The following ADGRL1 variants were observed in gnomAD, a reference collection of about 807,000 sequenced individuals.
ADGRL1 encodes the protein CIRL-1.
ADGRL1 carries 31 observed loss-of-function variants against 148.9 expected under a neutral mutation model. The observed-to-expected ratio is 0.21, with a 90% CI of 0.16 to 0.28. The LOEUF (loss-of-function observed/expected upper bound fraction) is 0.28, where lower values mean the gene tolerates loss of function less well. ADGRL1 is among the 10% of genes least tolerant of loss of function. The pLI, the probability that ADGRL1 is intolerant of heterozygous loss-of-function variation, is 1.00. For missense variants in ADGRL1, 1,521 were observed against 2,058.8 expected, an observed-to-expected ratio of 0.74 and a Z score of 5.05; for synonymous variants, 937 against 900.3, an observed-to-expected ratio of 1.04 and a Z score of -0.73.
chr19:14,160,040 G>T lies in ADGRL1; in HGVS notation c.1800+72C>A. 1.4e-6 allele frequency: 2 copies of T among 1,454,992 alleles called. No homozygotes were observed. Among genetic ancestry groups the T allele is most frequent in the Non-Finnish European group, 1.9e-6 (2 of 1,080,892 alleles). 90.1% of individuals were successfully genotyped at this position (1,454,992 alleles called of 1,614,324 possible). Reference sequence around the variant, plus strand: ...TGGCAGCCTGGCTGGGAGGTACCAGGTCAGGTACTTCCCAAGCCCCTGGGG... The same window carrying T: ...TGGCAGCCTGGCTGGGAGGTACCAGTTCAGGTACTTCCCAAGCCCCTGGGG... On this transcript the variant is annotated intron_variant, in intron 8 of 22. Coordinates refer to ENST00000361434, the MANE Select transcript of ADGRL1 (RefSeq NM_014921.5). This position sits in a 1 kb window ranked among gnomAD's most constrained non-coding sequence, Gnocchi z 5.9.
chr19:14,198,777 A>C, intron 1 of ADGRL1, among the ~76,000 whole-genome samples: 1 of 151,068 alleles, frequency 6.6e-6, no homozygotes, highest in African/African-American at 2.4e-5. Context: ...CTTCCCCTCC[A>C]CCATACCCCT....
Position 14,156,989 on chromosome 19 carries a change from A to G in ADGRL1, c.2902T>C (p.Phe968Leu). The G allele has an allele frequency of 6.2e-7, 1 of 1,613,896 alleles. No individual in the cohort carries two copies. The highest frequency in any genetic ancestry group is 8.5e-7 in the Non-Finnish European group (1 of 1,179,970). Residue 968 changes from phenylalanine (F) to leucine (L), a missense_variant, in exon 15 of 23, where the codon TTC (phenylalanine) becomes CTC (leucine). Phe to Leu is a conservative substitution (Grantham distance 22, BLOSUM62 0). Around this residue, in one of 8 missense-constraint regions of ADGRL1, gnomAD observed 185 missense variants for 251.7 expected, o/e 0.74. Transcript: ENST00000361434. Reference protein sequence around the residue: ...TKYYYLGGYCFPALVVGIAAA... With the variant: ...TKYYYLGGYCLPALVVGIAAA... ...GCGATGCCCACCACCAGGGCCGGGA[A>G]GCAGTAGCCACCCAGGTAGTAGTAC...
chr19:14,195,291 C>T (rs916913160), intron 1 of ADGRL1, among the ~76,000 whole-genome samples: 1 of 152,154 alleles, frequency 6.6e-6, no homozygotes, highest in African/African-American at 2.4e-5. Flanking sequence ...GTCGGTGCGG[C>T]AGGGTGGGCC....
Position 14,162,730 on chromosome 19 carries a change from G to A in ADGRL1, c.1071C>T (p.Phe357=), listed in dbSNP as rs1969526364. The A allele has an allele frequency of 1.9e-6, 3 of 1,614,214 alleles. No individual in the cohort carries two copies. The highest frequency in any genetic ancestry group is 4.5e-5 in the East Asian group (2 of 44,886). The change falls in exon 5 of 23, where the codon TTC becomes TTT. Residue 357 remains phenylalanine (F), a synonymous_variant. Transcript: ENST00000361434. The surrounding 1 kb of genome is among the most constrained non-coding windows in gnomAD (Gnocchi z 5.4). ...ANREEPVSLT[F]PNPYQFISSV... ...AGGAGATGAACTGGTAGGGGTTGGG[G>A]AAGGTGAGGCTGACAGGCTCCTCGC...
Position 14,159,255 on chromosome 19 carries a change from T to G in ADGRL1, c.2024-40A>C. 1.0e-5 allele frequency: 16 copies of G among 1,608,002 alleles called. No homozygotes were observed. Among genetic ancestry groups the G allele is most frequent in the Non-Finnish European group, 1.4e-5 (16 of 1,175,598 alleles). On this transcript the variant is annotated intron_variant, in intron 10 of 22. Coordinates refer to ENST00000361434, the MANE Select transcript of ADGRL1 (RefSeq NM_014921.5). This position sits in a 1 kb window ranked among gnomAD's most constrained non-coding sequence, Gnocchi z 6.0. ...GAAGGCAAGGCATACACAGTTGGGG[T>G]CTGTTCCCAGTCCAGGGGCTCAGGC...
chr19:14,155,532 G>T lies in ADGRL1; in HGVS notation c.3126-5C>A. On this transcript the variant is annotated splice_region_variant and splice_polypyrimidine_tract_variant and intron_variant, in intron 17 of 22. Transcript: ENST00000361434. This position sits in a 1 kb window ranked among gnomAD's most constrained non-coding sequence, Gnocchi z 5.0. The stretch of plus-strand genomic sequence containing the variant: ...ATGGCCCCCAGCGCCCAGGATCTGG[G>T]AGTGGGGCGACAGGGGAGTCAAAGT... 6.2e-7 allele frequency: 1 copy of T among 1,613,206 alleles called. No homozygotes were observed. The highest frequency in any genetic ancestry group is 8.5e-7 in the Non-Finnish European group (1 of 1,179,780).
chr19:14,197,976 G>A (rs766346529), intron 1 of ADGRL1, among the ~76,000 whole-genome samples: 9 of 152,164 alleles, frequency 5.9e-5, no homozygotes, highest in Admixed American at 1.3e-4. Flanking sequence ...TGTAGACAGG[G>A]TGGCCAGGAA....
intron 2 of ADGRL1, among the ~76,000 whole-genome samples, chr19:14,180,115 A>G (rs572884134): frequency 6.6e-6 from 1 of 152,204 alleles, no homozygotes; most frequent in Admixed American, 6.5e-5. Flanking sequence ...GGGAGCCTCT[A>G]TGGTTGGCAG....
intron 16 of ADGRL1, 102 bp downstream of exon 16, chr19:14,156,550 AGAGTGT>A: frequency 1.7e-6 from 1 of 586,004 alleles, no homozygotes; most frequent in Non-Finnish European, 2.7e-6. Context: ...GGAGAGAGAG[AGAGTGT>A]GTGTGTGTGT....
At chr19:14,178,011 T>G (rs1970941724) in intron 2 of ADGRL1, among the ~76,000 whole-genome samples, 1 of 152,162 alleles carries the variant, frequency 6.6e-6, no homozygotes, top group Non-Finnish European at 1.5e-5. Context: ...TAAGAGTGAC[T>G]GTTTTCCTGG....
chr19:14,159,807 C>T lies in ADGRL1; in HGVS notation c.1801-34G>A, dbSNP rs1168075381. 1 of 1,592,688 alleles carries T rather than the reference C, an allele frequency of 6.3e-7. No homozygotes were observed. The highest frequency in any genetic ancestry group is 8.6e-7 in the Non-Finnish European group (1 of 1,160,758). On this transcript the variant is annotated intron_variant, in intron 8 of 22. Transcript: ENST00000361434. The surrounding 1 kb of genome is among the most constrained non-coding windows in gnomAD (Gnocchi z 6.0). The stretch of plus-strand genomic sequence containing the variant: ...AGATGGAGGTGATGTCAGGCCAGGC[C>T]TCTGGGTGCCGGTTCCCTCACCCTA...
intron 4 of ADGRL1, among the ~76,000 whole-genome samples, chr19:14,167,702 G>T (rs1043923215): frequency 6.6e-6 from 1 of 151,924 alleles, no homozygotes; most frequent in Non-Finnish European, 1.5e-5. Flanking sequence ...AGAACGACAG[G>T]CAGACGGGCA....
chr19:14,156,652 A>G lies in ADGRL1; in HGVS notation c.3033+6T>C. 6.2e-7 allele frequency: 1 copy of G among 1,610,140 alleles called. No homozygotes were observed. The highest frequency in any genetic ancestry group is 8.5e-7 in the Non-Finnish European group (1 of 1,178,742). On this transcript the variant is annotated splice_donor_region_variant and intron_variant, in intron 16 of 22. Coordinates refer to ENST00000361434, the MANE Select transcript of ADGRL1 (RefSeq NM_014921.5). ...GTGGTGCTAGGGGTGTCACCTCCCA[A>G]CTCACCACGATAACGAAGGAGACTG...
Position 14,161,697 on chromosome 19 carries a change from TC to T in ADGRL1, c.1196-72del. Reference sequence around the variant, plus strand: ...TGCCACAGTGTGCTTGGGCAGGGGGTCCCAGGCCATCTTAGCATCTTCCTCA... The same window carrying T: ...TGCCACAGTGTGCTTGGGCAGGGGGTCCAGGCCATCTTAGCATCTTCCTCA... On this transcript the variant is annotated intron_variant, in intron 5 of 22. Transcript: ENST00000361434. This position sits in a 1 kb window ranked among gnomAD's most constrained non-coding sequence, Gnocchi z 4.4. 9.1e-7 allele frequency: 1 copy of T among 1,101,534 alleles called. No homozygotes were observed. Among genetic ancestry groups the T allele is most frequent in the Non-Finnish European group, 1.2e-6 (1 of 843,026 alleles). 68.2% of individuals were successfully genotyped at this position (1,101,534 alleles called of 1,614,324 possible).
Position 14,151,070 on chromosome 19 carries a change from G to GCC in ADGRL1, c.4212_4213insGG (p.Pro1405GlyfsTer124). 1.1e-5 allele frequency: 8 copies of GCC among 709,152 alleles called. No individual in the cohort carries two copies. The highest frequency in any genetic ancestry group is 1.9e-5 in the African/African-American group (1 of 53,814). 43.9% of individuals were successfully genotyped at this position (709,152 alleles called of 1,614,324 possible). A position where few individuals can be genotyped will look rare whatever the true frequency, so the allele number is the denominator to read the frequency against. Reference sequence around the variant, plus strand: ...CCGGGGGGTGCGGGAGGGGGTGGGGGCAGGGCCTCACTGGGCCCCTCAGGG... The same window carrying GCC: ...CCGGGGGGTGCGGGAGGGGGTGGGGGCCCAGGGCCTCACTGGGCCCCTCAGGG... On this transcript the variant is annotated frameshift_variant, in exon 23 of 23. Transcript: ENST00000361434. LOFTEE classifies it high-confidence loss of function.
intron 2 of ADGRL1, among the ~76,000 whole-genome samples, chr19:14,179,781 G>T (rs915664749): frequency 1.3e-5 from 2 of 151,980 alleles, no homozygotes; most frequent in Non-Finnish European, 2.9e-5. Context: ...TGTGGTGGCA[G>T]GCACCTGTAA....
At chr19:14,205,647 G>A (rs1481728801) in intron 1 of ADGRL1, among the ~76,000 whole-genome samples, 3 of 151,132 alleles carry the variant, frequency 2.0e-5, no homozygotes, top group African/African-American at 7.3e-5. Flanking sequence ...CCCCACAAAG[G>A]CTGGCGCGCG....
intron 1 of ADGRL1, among the ~76,000 whole-genome samples, chr19:14,193,188 G>A (rs1599510223): frequency 6.6e-6 from 1 of 150,794 alleles, no homozygotes; most frequent in East Asian, 2.0e-4. Flanking sequence ...CAGGTGGTGG[G>A]TGTCCCCCGG....
rs1555790230 is a variant in ADGRL1 at position 14,183,213 on chromosome 19, G to GCGAGAGAGAGAC, written c.70+319_70+320insGTCTCTCTCTCG. The stretch of plus-strand genomic sequence containing the variant: ...AATCACAGAGAGAGAGAGAGAGAGA[G>GCGAGAGAGAGAC]AGAGCGAGAGAGAGACAGAGAGAGG... On this transcript the variant is annotated intron_variant, in intron 2 of 22. Coordinates refer to ENST00000361434, the MANE Select transcript of ADGRL1 (RefSeq NM_014921.5). Among the ~76,000 whole-genome samples the GCGAGAGAGAGAC allele has an allele frequency of 2.9e-4, 31 of 107,060 alleles. 1 individual carries two copies. Among genetic ancestry groups the GCGAGAGAGAGAC allele is most frequent in the Non-Finnish European group, 5.6e-4 (25 of 44,800 alleles). The allele number at this position is 107,060 out of a possible 152,430, so 70.2% of individuals were successfully genotyped here.
Sources: gnomAD v4.1 joint callset for allele counts (sites outside exome capture counted in the v4.1 genomes callset) on GRCh38, gnomAD v4.1.1 for gene constraint, gnomAD v4.1.1 regional missense constraint, Gnocchi (gnomAD v3.1) non-coding constraint, MANE v1.5 for transcripts, NCBI Gene and HGNC (gene_info 2026-07-23, HGNC 2026-07-21) for gene names.